Variants in KIF13A observed in about 807,000 individuals in gnomAD.
KIF13A encodes the protein kinesin family member 13A, also known as kinesin-like protein KIF13A.
Under a neutral mutation model 212.2 loss-of-function variants are expected in KIF13A, and 79 were observed. The ratio of observed to expected loss-of-function variants is 0.37; its 90% confidence interval spans 0.31 to 0.45. The LOEUF is 0.45. KIF13A is among the 20% of genes least tolerant of loss of function. The pLI is 1.00. For missense variants in KIF13A, 1,901 were observed against 2,209.0 expected (o/e 0.86, Z 2.79); for synonymous variants, 789 against 808.6 (o/e 0.98, Z 0.41).
In KIF13A at chr6:17,817,250, C is replaced by G. The variant is rs373126253; in HGVS notation, c.1787-17G>C. ...GAACTGGGTCTAGTGAGCCAAGAGA[C>G]AAGGCAAGGTGTCTTAGTGGCGGCT... On this transcript the variant is annotated splice_polypyrimidine_tract_variant and intron_variant, in intron 16 of 38. Transcript: ENST00000259711. The G allele has an allele frequency of 6.2e-7, 1 of 1,610,672 alleles. No individual in the cohort carries two copies. The highest frequency in any genetic ancestry group is 1.7e-5 in the Admixed American group (1 of 59,982).
rs1760110291 is a variant in KIF13A, at chr6:17,777,547, A to C, written c.4093-193T>G. Reference sequence around the variant, plus strand: ...AGGTGCACGCCACCACACTCGGCTAATTTTTTTTTGTATTTTAGTAGAGAC... The same window carrying C: ...AGGTGCACGCCACCACACTCGGCTACTTTTTTTTTGTATTTTAGTAGAGAC... On this transcript the variant is annotated intron_variant, in intron 33 of 38. Coordinates refer to ENST00000259711, the MANE Select transcript of KIF13A (RefSeq NM_022113.6). The surrounding 1 kb of genome is among the most constrained non-coding windows in gnomAD (Gnocchi z 4.4). 6.6e-6 allele frequency among the ~76,000 whole-genome samples: 1 copy of C among 150,736 alleles called. No individual in the cohort carries two copies. The highest frequency in any genetic ancestry group is 6.6e-5 in the Admixed American group (1 of 15,086).
chr6:17,879,906 G>A (rs1770903130), intron 3 of KIF13A, among the ~76,000 whole-genome samples: 1 of 152,198 alleles, frequency 6.6e-6, no homozygotes, highest in Non-Finnish European at 1.5e-5. Context: ...TTTCAAAAGG[G>A]AGAAAACCAA....
rs1581638428 is a variant in KIF13A, at chr6:17,886,815, A to T, written c.159+11353T>A. Among the ~76,000 whole-genome samples the T allele has an allele frequency of 6.6e-6, 1 of 151,984 alleles. No individual in the cohort carries two copies. The highest frequency in any genetic ancestry group is 2.1e-4 in the South Asian group (1 of 4,830). On this transcript the variant is annotated intron_variant, in intron 3 of 38. Transcript: ENST00000259711. The surrounding 1 kb of genome is among the most constrained non-coding windows in gnomAD (Gnocchi z 5.6). ...GAAACTCCATCTCAAAACAACAACA[A>T]CAACCACAACTACTAACAACCACCA...
In KIF13A at chr6:17,984,169, G is replaced by A. The variant is rs1298506159; in HGVS notation, c.146+2885C>T. ...AGAATTTTGAAATTATGTGGTTCAT[G>A]AAATGGCAAAAGTATACACCAGCGT... On this transcript the variant is annotated intron_variant, in intron 2 of 38. Coordinates refer to ENST00000259711, the MANE Select transcript of KIF13A (RefSeq NM_022113.6). The surrounding 1 kb of genome is among the most constrained non-coding windows in gnomAD (Gnocchi z 5.0). Among the ~76,000 whole-genome samples, 1 of 152,196 alleles carries A rather than the reference G, an allele frequency of 6.6e-6. No individual in the cohort carries two copies. Among genetic ancestry groups the A allele is most frequent in the Non-Finnish European group, 1.5e-5 (1 of 68,038 alleles).
intron 2 of KIF13A, among the ~76,000 whole-genome samples, chr6:17,903,999 A>T (rs567182707): frequency 3.7e-4 from 56 of 151,704 alleles, no homozygotes; most frequent in Non-Finnish European, 7.7e-4. Context: ...CTAAAAATAA[A>T]AAAAAAAAGT....
chr6:17,799,337 C>G lies in KIF13A; in HGVS notation c.2719G>C (p.Val907Leu), dbSNP rs1243640289. ...GGTGAAGGCACCTCGGGGTCCACCA[C>G]CGGGGCAGCCACCGTAGACTCACAC... ...DQCESTVAAPVVDPEVPSPQS... is the reference protein window; with the variant it reads ...DQCESTVAAPLVDPEVPSPQS... Residue 907 changes from valine (V) to leucine (L), a missense_variant, in exon 22 of 39, where the codon GTG (valine) becomes CTG (leucine). Val to Leu is a conservative substitution (Grantham distance 32). Transcript: ENST00000259711. The surrounding 1 kb of genome is among the most constrained non-coding windows in gnomAD (Gnocchi z 4.4). 6 of 1,613,172 alleles carry G rather than the reference C, an allele frequency of 3.7e-6. No homozygotes were observed. The highest frequency in any genetic ancestry group is 1.6e-4 in the Middle Eastern group (1 of 6,082).
rs551669078 is a variant in KIF13A at position 17,976,250 on chromosome 6, A to G, written c.146+10804T>C. Among the ~76,000 whole-genome samples the G allele has an allele frequency of 7.2e-5, 11 of 152,292 alleles. No homozygotes were observed. In the East Asian group the frequency reaches 2.1e-3, roughly 29 times the overall value. Reference sequence around the variant, plus strand: ...GGTGGAGAAGGGGCCGGCGCTCGTCAGGGAGGCTCGGGCTGCACAGGAGCC... The same window carrying G: ...GGTGGAGAAGGGGCCGGCGCTCGTCGGGGAGGCTCGGGCTGCACAGGAGCC... On this transcript the variant is annotated intron_variant, in intron 2 of 38. Coordinates refer to ENST00000259711, the MANE Select transcript of KIF13A (RefSeq NM_022113.6).
At position 17,856,559 on chromosome 6, in the gene KIF13A, A is replaced by G. The variant is rs956739283; in HGVS notation, c.221-437T>C. On this transcript the variant is annotated intron_variant, in intron 4 of 38. Transcript: ENST00000259711. This position sits in a 1 kb window ranked among gnomAD's most constrained non-coding sequence, Gnocchi z 4.5. The stretch of plus-strand genomic sequence containing the variant: ...CCTAGCTTGGTGTTTTGTACATGCC[A>G]AGTGCTAAAAACCGTTAGTTGCTGA... Among the ~76,000 whole-genome samples the G allele has an allele frequency of 1.3e-5, 2 of 152,224 alleles. No homozygotes were observed. Among genetic ancestry groups the G allele is most frequent in the Non-Finnish European group, 2.9e-5 (2 of 68,050 alleles).
intron 20 of KIF13A, among the ~76,000 whole-genome samples, chr6:17,803,026 C>G (rs549791080): frequency 6.6e-6 from 1 of 151,372 alleles, no homozygotes; most frequent in Admixed American, 6.6e-5. Flanking sequence ...CTCCACCTCC[C>G]GGGTTCAAGC....
In KIF13A at chr6:17,934,368, T is replaced by C. The variant is rs532200892; in HGVS notation, c.147-36188A>G. Among the ~76,000 whole-genome samples, 602 of 152,234 alleles carry C rather than the reference T, an allele frequency of 4.0e-3. 4 individuals are homozygous for C. Among genetic ancestry groups the C allele is most frequent in the Non-Finnish European group, 5.9e-3 (403 of 68,016 alleles). ...CGAGAGCGGCTGAACACCATCCCAT[T>C]CCTAATTAGGAACTTTCAACTCTCC... On this transcript the variant is annotated intron_variant, in intron 2 of 38. Coordinates refer to ENST00000259711, the MANE Select transcript of KIF13A (RefSeq NM_022113.6). The surrounding 1 kb of genome is among the most constrained non-coding windows in gnomAD (Gnocchi z 5.4).
At chr6:17,921,846 T>C (rs1775103137) in intron 2 of KIF13A, among the ~76,000 whole-genome samples, 1 of 152,202 alleles carries the variant, frequency 6.6e-6, no homozygotes, top group African/African-American at 2.4e-5. Flanking sequence ...GTAGAAGTTT[T>C]GTTTTTTGCT....
chr6:17,923,367 A>T (rs1381817863), intron 2 of KIF13A, among the ~76,000 whole-genome samples: 1 of 152,048 alleles, frequency 6.6e-6, no homozygotes, highest in Non-Finnish European at 1.5e-5. Flanking sequence ...AAATTTAAAA[A>T]TAAAGTAGAT....
chr6:17,948,831 G>A (rs1188408931), intron 2 of KIF13A, among the ~76,000 whole-genome samples: 2 of 151,924 alleles, frequency 1.3e-5, no homozygotes, highest in East Asian at 1.9e-4. Context: ...CCCTCAAAGT[G>A]CTAAGATTAC....
At position 17,781,157 on chromosome 6, in the gene KIF13A, G is replaced by C; in HGVS notation, c.3669+20C>G. 1 of 1,613,780 alleles carries C rather than the reference G, an allele frequency of 6.2e-7. No individual in the cohort carries two copies. Among genetic ancestry groups the C allele is most frequent in the Non-Finnish European group, 8.5e-7 (1 of 1,179,782 alleles). ...TGTGCTAATCTGAAGCCTTTTAAGA[G>C]AAACTTGGGGGTTAATTACCTCATC... On this transcript the variant is annotated intron_variant, in intron 30 of 38. Coordinates refer to ENST00000259711, the MANE Select transcript of KIF13A (RefSeq NM_022113.6).
chr6:17,841,331 CT>C (rs1766487914), intron 9 of KIF13A, among the ~76,000 whole-genome samples: 1 of 152,182 alleles, frequency 6.6e-6, no homozygotes, highest in African/African-American at 2.4e-5. Context: ...TCCCAAAGTG[CT>C]GGGATTTCAG....
chr6:17,801,897 G>C (rs146289542), intron 20 of KIF13A, among the ~76,000 whole-genome samples: 2 of 152,288 alleles, frequency 1.3e-5, no homozygotes, highest in African/African-American at 4.8e-5. Flanking sequence ...TTTCTATCAT[G>C]GTGGCTCTCT....
chr6:17,760,702 G>A, downstream of KIF13A: 1 of 665,926 alleles, frequency 1.5e-6, no homozygotes. Flanking sequence ...GGGGAAAGGA[G>A]GTGGCCCAGG....
rs61281213 is a variant in KIF13A at position 17,833,014 on chromosome 6, C to CAAAAAAAAAAAAA, written c.1266+934_1266+946dup. Among the ~76,000 whole-genome samples the CAAAAAAAAAAAAA allele has an allele frequency of 1.9e-4, 14 of 75,392 alleles. 1 individual carries two copies. The highest frequency in any genetic ancestry group is 9.5e-4 in the African/African-American group (14 of 14,800). 49.5% of individuals were successfully genotyped at this position (75,392 alleles called of 152,430 possible). ...GGGCGACAGAGAGAGACTCTGTCTGCAAAAAAAAAAAAAAAAAAAAAAAAA... is the reference window on the plus strand; with the variant it reads ...GGGCGACAGAGAGAGACTCTGTCTGCAAAAAAAAAAAAAAAAAAAAAAAAAAAAAAAAAAAAAA... On this transcript the variant is annotated intron_variant, in intron 12 of 38. Transcript: ENST00000259711.
At chr6:17,830,992 G>T (rs1401429592) in intron 13 of KIF13A, 109 bp downstream of exon 13, 7 of 986,504 alleles carry the variant, frequency 7.1e-6, no homozygotes, top group African/African-American at 3.2e-5. Flanking sequence ...GTTTTACTGA[G>T]GGCTAAGCTG....
Sources: gnomAD v4.1 joint callset for allele counts (sites outside exome capture counted in the v4.1 genomes callset) on GRCh38, gnomAD v4.1.1 for gene constraint, Gnocchi (gnomAD v3.1) non-coding constraint, MANE v1.5 for transcripts, NCBI Gene and HGNC (gene_info 2026-07-23, HGNC 2026-07-21) for gene names.